Variants in MAP1B observed in about 807,000 individuals in gnomAD.
The protein encoded by MAP1B is microtubule associated protein 1B.
Under a neutral mutation model 176.1 loss-of-function variants are expected in MAP1B, and 12 were observed. The ratio of observed to expected loss-of-function variants is 0.07; its 90% CI spans 0.04 to 0.11. The LOEUF (loss-of-function observed/expected upper bound fraction) is 0.11, where lower values mean the gene tolerates loss of function less well. MAP1B is among the 10% of genes least tolerant of loss of function. The pLI, the probability that MAP1B is intolerant of heterozygous loss-of-function variation, is 1.00. For missense variants in MAP1B, 2,523 were observed against 2,990.5 expected, an observed-to-expected ratio of 0.84 and a Z score of 3.65; for synonymous variants, 1,044 against 1,135.0, an observed-to-expected ratio of 0.92 and a Z score of 1.61.
chr5:72,115,731 G>A lies in MAP1B; in HGVS notation c.218G>A (p.Cys73Tyr), dbSNP rs1164972823. The change falls in exon 2 of 7, where the codon TGC becomes TAC. Residue 73 changes from cysteine (C) to tyrosine (Y), a missense_variant. Around this residue, in one of 4 missense-constraint regions of MAP1B, gnomAD observed 307 missense variants for 438.4 expected, o/e 0.70. Coordinates refer to ENST00000296755, the MANE Select transcript of MAP1B (RefSeq NM_005909.5). ...TCATGGGACACAAACCTGATTGAAT[G>A]CAACTTGGACCAAGAACTCAAACTT... Reference protein sequence around the residue: ...IRSWDTNLIECNLDQELKLFV... With the variant: ...IRSWDTNLIEYNLDQELKLFV... 18 of 1,613,624 alleles carry A rather than the reference G, an allele frequency of 1.1e-5. No individual in the cohort carries two copies. Among genetic ancestry groups the A allele is most frequent in the Non-Finnish European group, 1.4e-5 (17 of 1,179,672 alleles).
chr5:72,111,166 C>A (rs1290667711), intron 1 of MAP1B, among the ~76,000 whole-genome samples: 1 of 152,178 alleles, frequency 6.6e-6, no homozygotes, highest in East Asian at 1.9e-4. Context: ...TTCAGCAAAA[C>A]CCTGCTTCTT....
intron 2 of MAP1B, chr5:72,116,438 C>T: frequency 2.4e-6 from 1 of 417,978 alleles, no homozygotes; most frequent in South Asian, 1.8e-5. Flanking sequence ...AAAAGAATAT[C>T]AAAGAATAAT....
At chr5:72,120,096 G>C (rs981676942) in intron 2 of MAP1B, among the ~76,000 whole-genome samples, 2 of 152,154 alleles carry the variant, frequency 1.3e-5, no homozygotes, top group African/African-American at 4.8e-5. Flanking sequence ...ATTATCTGTC[G>C]TAGACAGACA....
chr5:72,131,513 T>C (rs908268465), intron 2 of MAP1B, among the ~76,000 whole-genome samples: 7 of 152,214 alleles, frequency 4.6e-5, no homozygotes, highest in Non-Finnish European at 8.8e-5. Flanking sequence ...TCATAAGATA[T>C]TCTTATAAGG....
At chr5:72,183,478 T>C (rs1421235806) in intron 2 of MAP1B, among the ~76,000 whole-genome samples, 1 of 152,248 alleles carries the variant, frequency 6.6e-6, no homozygotes, top group South Asian at 2.1e-4. Context: ...GCAAGGAGGC[T>C]GCCTAGACCG....
At position 72,208,750 on chromosome 5, in the gene MAP1B, C is replaced by G. The variant is rs1456083138; in HGVS notation, c.*3511C>G. 1 of 152,170 alleles carries G rather than the reference C, an allele frequency of 6.6e-6. No individual in the cohort carries two copies. The highest frequency in any genetic ancestry group is 1.5e-5 in the Non-Finnish European group (1 of 68,030). The allele number at this position is 152,170 out of a possible 1,614,324, so 9.4% of individuals were successfully genotyped here. ...TAATCATTTGCTAATGGAAATCTTA[C>G]CACCTTTCATTTTCCCTCTGTTACC... On this transcript the variant is annotated 3_prime_UTR_variant, in exon 7 of 7. Coordinates refer to ENST00000296755, the MANE Select transcript of MAP1B (RefSeq NM_005909.5).
chr5:72,140,002 C>T (rs1745918311), intron 2 of MAP1B, among the ~76,000 whole-genome samples: 1 of 151,942 alleles, frequency 6.6e-6, no homozygotes, highest in Non-Finnish European at 1.5e-5. Flanking sequence ...TGTTCTGTCA[C>T]CCAGGCTGGA....
intron 2 of MAP1B, among the ~76,000 whole-genome samples, chr5:72,179,238 ATCATTCCAGG>A (rs1746716420): frequency 6.6e-6 from 1 of 152,172 alleles, no homozygotes; most frequent in Admixed American, 6.5e-5. Context: ...AAGTGACACA[ATCATTCCAGG>A]TCGAGCCCCC....
Position 72,146,705 on chromosome 5 carries a change from A to G in MAP1B, c.286+30906A>G, listed in dbSNP as rs140585091. Among the ~76,000 whole-genome samples, 800 of 152,318 alleles carry G rather than the reference A, an allele frequency of 5.3e-3. 33 individuals are homozygous for G. Among genetic ancestry groups the G allele is most frequent in the Admixed American group, 0.049 (746 of 15,296 alleles). ...ATCTGGTCCTCAGAGCTTACTGCTC[A>G]ATTCTGAAGACCCTCAAATACCACT... is the stretch of plus-strand genomic sequence containing the variant. On this transcript the variant is annotated intron_variant, in intron 2 of 6. Transcript: ENST00000296755.
intron 2 of MAP1B, among the ~76,000 whole-genome samples, chr5:72,156,949 T>G (rs1331582850): frequency 6.6e-6 from 1 of 152,070 alleles, no homozygotes; most frequent in East Asian, 1.9e-4. Context: ...AAGTCACGAG[T>G]CAGAACTGAG....
rs146887211 is a variant in MAP1B, at chr5:72,130,481, G to A, written c.286+14682G>A. Among the ~76,000 whole-genome samples the A allele has an allele frequency of 6.7e-3, 1,018 of 152,228 alleles. 9 individuals are homozygous for A. Among genetic ancestry groups the A allele is most frequent in the Middle Eastern group, 0.031 (9 of 294 alleles). ...CTTGAGAAACTAAAGTTAGCGCTTA[G>A]GTTTGAAAAATAAACTGCATAAGAA... is the stretch of plus-strand genomic sequence containing the variant. On this transcript the variant is annotated intron_variant, in intron 2 of 6. Coordinates refer to ENST00000296755, the MANE Select transcript of MAP1B (RefSeq NM_005909.5).
chr5:72,192,465 T>C (rs1747045121), intron 4 of MAP1B, among the ~76,000 whole-genome samples: 1 of 152,268 alleles, frequency 6.6e-6, no homozygotes, highest in Non-Finnish European at 1.5e-5. Flanking sequence ...TAAAATGTTA[T>C]GCTTAGGACT....
At chr5:72,109,285 C>T (rs1745259556) in intron 1 of MAP1B, among the ~76,000 whole-genome samples, 1 of 150,932 alleles carries the variant, frequency 6.6e-6, no homozygotes, top group Non-Finnish European at 1.5e-5. Context: ...GTATTTTATT[C>T]CAAAAAATTC....
At chr5:72,173,357 C>T (rs1164855705) in intron 2 of MAP1B, among the ~76,000 whole-genome samples, 2 of 152,184 alleles carry the variant, frequency 1.3e-5, no homozygotes, top group Non-Finnish European at 2.9e-5. Context: ...GTTTTAATCT[C>T]AGTGCTCAGT....
At chr5:72,146,023 G>A (rs1746039698) in intron 2 of MAP1B, among the ~76,000 whole-genome samples, 1 of 152,204 alleles carries the variant, frequency 6.6e-6, no homozygotes. Flanking sequence ...CATTGGGAGT[G>A]ATTTTGGAAA....
intron 2 of MAP1B, among the ~76,000 whole-genome samples, chr5:72,124,099 G>C (rs1745581460): frequency 6.6e-6 from 1 of 152,098 alleles, no homozygotes. Context: ...GGTTACCCAG[G>C]TACCAGCACC....
intron 2 of MAP1B, among the ~76,000 whole-genome samples, chr5:72,153,361 G>T (rs895952503): frequency 2.6e-5 from 4 of 151,988 alleles, no homozygotes; most frequent in Non-Finnish European, 5.9e-5. Context: ...GACCACAATG[G>T]ATTTGACAAG....
At chr5:72,129,556 T>TA (rs879933423) in intron 2 of MAP1B, among the ~76,000 whole-genome samples, 133 of 140,800 alleles carry the variant, frequency 9.4e-4, no homozygotes, top group East Asian at 1.0e-3. Context: ...GACTCCGTCC[T>TA]AAAAAAAAAA....
At chr5:72,115,602 T>G in intron 1 of MAP1B, 96 bp from the exon 2 acceptor site, 1 of 767,646 alleles carries the variant, frequency 1.3e-6, no homozygotes, top group Admixed American at 1.9e-5. Flanking sequence ...TCCCACATCC[T>G]CCCTGAAAGC....
Sources: gnomAD v4.1 joint callset for allele counts (sites outside exome capture counted in the v4.1 genomes callset) on GRCh38, gnomAD v4.1.1 for gene constraint, gnomAD v4.1.1 regional missense constraint, MANE v1.5 for transcripts, NCBI Gene and HGNC (gene_info 2026-07-23, HGNC 2026-07-21) for gene names.